PI4KA: variants seen among roughly 807,000 people sequenced by gnomAD.
PI4KA encodes PI4-kinase alpha.
PI4KA carries 122 observed loss-of-function variants against 271.4 expected under a neutral mutation model. The ratio of observed to expected loss-of-function variants is 0.45; its 90% CI spans 0.39 to 0.52. The LOEUF (loss-of-function observed/expected upper bound fraction) is 0.52. Among genes scored for constraint, PI4KA ranks in the 20% least tolerant of loss-of-function variants. The pLI is 0.00. For missense variants in PI4KA, 1,969 were observed against 2,769.1 expected, an observed-to-expected ratio of 0.71 and a Z score of 6.48; for synonymous variants, 1,041 against 1,078.8, an observed-to-expected ratio of 0.96 and a Z score of 0.69.
intron 14 of PI4KA, among the ~76,000 whole-genome samples, chr22:20,801,195 T>C (rs944213372): frequency 1.6e-4 from 25 of 151,608 alleles, no homozygotes; most frequent in African/African-American, 6.0e-4. Context: ...AGGCCTCTTA[T>C]TATGTTTATG....
intron 36 of PI4KA, among the ~76,000 whole-genome samples, chr22:20,730,979 C>G (rs1927969774): frequency 6.6e-6 from 1 of 151,722 alleles, no homozygotes; most frequent in South Asian, 2.1e-4. Flanking sequence ...GAGATCGAGG[C>G]CAGCCTGGAC....
Position 20,804,375 on chromosome 22 carries a change from T to A in PI4KA, c.1386A>T (p.Leu462=), listed in dbSNP as rs376534020. 2 of 1,613,922 alleles carry A rather than the reference T, an allele frequency of 1.2e-6. No homozygotes were observed. The highest frequency in any genetic ancestry group is 8.5e-7 in the Non-Finnish European group (1 of 1,179,790). Residue 462 remains leucine, a synonymous_variant, in exon 12 of 55, where the codon CTA becomes CTT. Transcript: ENST00000255882. ...ACGTCTTGGACTGCAGCTTCTCAGA[T>A]AGCTTGATGCAAAGGTTTTCTGCAC... ...EQGAENLCIK[L]SEKLQSKTSS...
intron 29 of PI4KA, among the ~76,000 whole-genome samples, chr22:20,746,733 A>G (rs917573233): frequency 6.6e-6 from 1 of 152,232 alleles, no homozygotes; most frequent in Non-Finnish European, 1.5e-5. Flanking sequence ...ACCCAGCTCA[A>G]CCATGTCTGC....
chr22:20,775,769 T>C (rs1933221516), intron 19 of PI4KA, among the ~76,000 whole-genome samples: 3 of 152,104 alleles, frequency 2.0e-5, no homozygotes, highest in Admixed American at 2.0e-4. Flanking sequence ...AGATTACAGG[T>C]GTGAGCCCCT....
rs568903923 is a variant in PI4KA, at chr22:20,765,667, T to C, written c.2355A>G (p.Lys785=). 5.6e-6 allele frequency: 9 copies of C among 1,611,576 alleles called. No homozygotes were observed. The African/African-American group carries it at 1.2e-4, about 21-fold the overall frequency. ...AVLTRRLPPI[K]EAKPRLQKLF... is the part of the protein sequence containing the mutation. Reference sequence around the variant, plus strand: ...GCTTCTGTAACCGAGGCTTAGCTTCTTTGATGGGTGGCAGTCGTCGGGTGA... The same window carrying C: ...GCTTCTGTAACCGAGGCTTAGCTTCCTTGATGGGTGGCAGTCGTCGGGTGA... The change falls in exon 20 of 55, where the codon AAA becomes AAG. Residue 785 remains lysine (K), a synonymous_variant. Coordinates refer to ENST00000255882, the MANE Select transcript of PI4KA (RefSeq NM_058004.4).
At chr22:20,726,295 T>C (rs1601341762) in intron 42 of PI4KA, 193 bp downstream of exon 42, 1 of 501,794 alleles carries the variant, frequency 2.0e-6, no homozygotes. Flanking sequence ...GGCCTCAGGG[T>C]GAGGCAGTGG....
chr22:20,746,038 CAA>C (rs11330592), intron 29 of PI4KA, among the ~76,000 whole-genome samples: 635 of 60,332 alleles, frequency 0.011, 2 homozygotes, highest in African/African-American at 0.037. Flanking sequence ...GGGGTTTCAT[CAA>C]AAAAAAAAAA....
intron 49 of PI4KA, 36 bp downstream of exon 49, chr22:20,712,657 C>T (rs200656183): frequency 2.6e-6 from 4 of 1,555,074 alleles, no homozygotes; most frequent in Middle Eastern, 2.3e-4. Flanking sequence ...GCGAGGTGCC[C>T]AGGGCTGCCC....
intron 8 of PI4KA, among the ~76,000 whole-genome samples, chr22:20,812,714 C>A (rs1311656786): frequency 1.3e-5 from 2 of 152,166 alleles, no homozygotes; most frequent in African/African-American, 4.8e-5. Context: ...CTACCATGTA[C>A]AGCTAAAGTT....
chr22:20,835,086 T>G (rs1170813028), intron 2 of PI4KA, among the ~76,000 whole-genome samples: 1 of 152,024 alleles, frequency 6.6e-6, no homozygotes, highest in South Asian at 2.1e-4. Flanking sequence ...GCATCTCAAC[T>G]GGGTGATGCT....
chr22:20,854,359 G>A (rs1429611582), intron 1 of PI4KA, among the ~76,000 whole-genome samples: 5 of 152,106 alleles, frequency 3.3e-5, no homozygotes, highest in East Asian at 1.9e-4. Flanking sequence ...GACCTCAAGC[G>A]ATCAGCCTGC....
intron 29 of PI4KA, among the ~76,000 whole-genome samples, chr22:20,746,062 T>A (rs59410526): frequency 0.17 from 778 of 4,682 alleles, 12 homozygotes; most frequent in African/African-American, 0.2. Flanking sequence ...AAAAAAAGAA[T>A]TTTTTTTTTT....
chr22:20,812,628 A>G (rs555837778), intron 8 of PI4KA, among the ~76,000 whole-genome samples: 1 of 152,240 alleles, frequency 6.6e-6, no homozygotes, highest in East Asian at 1.9e-4. Context: ...GATGTTGACT[A>G]CTGCAACCTC....
chr22:20,842,475 T>A (rs898618835), intron 1 of PI4KA, among the ~76,000 whole-genome samples: 2 of 152,198 alleles, frequency 1.3e-5, no homozygotes, highest in African/African-American at 4.8e-5. Flanking sequence ...ACTCAAAGCC[T>A]ACTGGACTGC....
At chr22:20,730,099 G>A in intron 36 of PI4KA, 88 bp from the exon 37 acceptor site, 1 of 1,439,494 alleles carries the variant, frequency 6.9e-7, no homozygotes, top group Non-Finnish European at 9.5e-7. Context: ...CAGAGATAAA[G>A]CAATTAGTGG....
intron 20 of PI4KA, 94 bp downstream of exon 20, chr22:20,765,491 A>G: frequency 1.1e-6 from 1 of 872,276 alleles, no homozygotes; most frequent in Non-Finnish European, 1.9e-6. Context: ...GGACTCATTT[A>G]AACATGCTCA....
At position 20,796,307 on chromosome 22, in the gene PI4KA, A is replaced by T. The variant is rs201223292; in HGVS notation, c.2116T>A (p.Ser706Thr). Reference sequence around the variant, plus strand: ...GCCAGGGCATTAATCACTGCCAGGGAGCAATGCCTGAAGAAGAAGGAGTGA... The same window carrying T: ...GCCAGGGCATTAATCACTGCCAGGGTGCAATGCCTGAAGAAGAAGGAGTGA... ...DYKDHGYRHC[S>T]LAVINALANI... Residue 706 changes from serine to threonine, a missense_variant, in exon 18 of 55, where the codon TCC becomes ACC. Ser to Thr is a moderately conservative substitution (Grantham distance 58). Coordinates refer to ENST00000255882, the MANE Select transcript of PI4KA (RefSeq NM_058004.4). 2.1e-5 allele frequency: 34 copies of T among 1,613,110 alleles called. No homozygotes were observed. Among genetic ancestry groups the T allele is most frequent in the Non-Finnish European group, 8.5e-7 (1 of 1,179,556 alleles).
chr22:20,776,772 G>T (rs1933320640), intron 19 of PI4KA, among the ~76,000 whole-genome samples: 1 of 152,164 alleles, frequency 6.6e-6, no homozygotes, highest in African/African-American at 2.4e-5. Context: ...TTGGGAGGAT[G>T]AAACTAAGTT....
At position 20,793,383 on chromosome 22, in the gene PI4KA, G is replaced by A. The variant is rs1248901249; in HGVS notation, c.2278-140C>T. ...AATGATGAGAGATATGCAGAGAGAG[G>A]CAGAGAGATGCTCATCCAGCATAAT... On this transcript the variant is annotated intron_variant, in intron 18 of 54. Transcript: ENST00000255882. The A allele has an allele frequency of 2.2e-5, 12 of 544,984 alleles. No individual in the cohort carries two copies. The East Asian group carries it at 3.2e-4, about 14-fold the overall frequency. The allele number at this position is 544,984 out of a possible 1,614,324, so 33.8% of individuals were successfully genotyped here. A position where few individuals can be genotyped will look rare whatever the true frequency, so the allele number is the denominator to read the frequency against.
Sources: gnomAD v4.1 joint callset for allele counts (sites outside exome capture counted in the v4.1 genomes callset) on GRCh38, gnomAD v4.1.1 for gene constraint, MANE v1.5 for transcripts, NCBI Gene and HGNC (gene_info 2026-07-23, HGNC 2026-07-21) for gene names.